The following SCAPER variants were observed in gnomAD, a reference collection of about 807,000 sequenced individuals.
SCAPER encodes the protein S phase cyclin A-associated protein in the endoplasmic reticulum.
SCAPER carries 98 observed loss-of-function variants against 182.2 expected under a neutral mutation model. That is an observed-to-expected ratio of 0.54 (90% confidence interval 0.46 to 0.64). SCAPER has a LOEUF of 0.64. SCAPER is among the 30% of genes least tolerant of loss of function. The pLI, the probability that SCAPER is intolerant of heterozygous loss-of-function variation, is 0.00. For synonymous variants in SCAPER, 605 were observed against 564.6 expected (o/e 1.07, Z -1.01); for missense variants, 1,432 against 1,690.0 (o/e 0.85, Z 2.68).
chr15:76,685,025 A>T (rs1053057946), intron 20 of SCAPER, among the ~76,000 whole-genome samples: 1 of 152,090 alleles, frequency 6.6e-6, no homozygotes, highest in African/African-American at 2.4e-5. Flanking sequence ...AAGAATACAT[A>T]AAAAAGATAA....
chr15:76,688,906 T>G (rs1054398931), intron 20 of SCAPER, among the ~76,000 whole-genome samples: 1 of 139,976 alleles, frequency 7.1e-6, no homozygotes, highest in Non-Finnish European at 1.5e-5. Context: ...TGGAGTGCCC[T>G]GGCACGATCT....
chr15:76,504,367 G>A (rs1440372532), intron 24 of SCAPER, among the ~76,000 whole-genome samples: 1 of 152,140 alleles, frequency 6.6e-6, no homozygotes, highest in African/African-American at 2.4e-5. Flanking sequence ...GCAATTTACC[G>A]TTAAAGACCA....
chr15:76,406,410 C>T lies in SCAPER; in HGVS notation c.3312-1731G>A, dbSNP rs182625274. 3.1e-3 allele frequency among the ~76,000 whole-genome samples: 475 copies of T among 151,820 alleles called. 3 individuals are homozygous for T. The highest frequency in any genetic ancestry group is 7.6e-3 in the African/African-American group (316 of 41,420). On this transcript the variant is annotated intron_variant, in intron 26 of 31. Coordinates refer to ENST00000563290, the MANE Select transcript of SCAPER (RefSeq NM_020843.4). ...GGAGAATCGCTTGAACCCGGGAAGT[C>T]GAAGTTGCAGTAAGCCAAGATCATG...
intron 5 of SCAPER, among the ~76,000 whole-genome samples, chr15:76,819,813 A>G (rs969837923): frequency 7.9e-5 from 12 of 152,160 alleles, no homozygotes; most frequent in South Asian, 4.1e-4. Context: ...GCAACCTACA[A>G]AATGGGAGAA....
chr15:76,488,194 C>T (rs1335085014), intron 24 of SCAPER, among the ~76,000 whole-genome samples: 3 of 152,094 alleles, frequency 2.0e-5, no homozygotes, highest in African/African-American at 4.8e-5. Flanking sequence ...ATTTCAAATT[C>T]AAATTCTAGA....
chr15:76,439,053 G>A (rs2047385839), intron 25 of SCAPER, among the ~76,000 whole-genome samples: 1 of 151,986 alleles, frequency 6.6e-6, no homozygotes, highest in Non-Finnish European at 1.5e-5. Context: ...CAGAATTAAG[G>A]TAAGGAGGGG....
At chr15:76,732,374 T>C (rs1225042626) in intron 16 of SCAPER, among the ~76,000 whole-genome samples, 1 of 152,116 alleles carries the variant, frequency 6.6e-6, no homozygotes, top group Non-Finnish European at 1.5e-5. Flanking sequence ...TTTATTCCAA[T>C]ATTATAATAA....
intron 20 of SCAPER, among the ~76,000 whole-genome samples, chr15:76,670,672 T>C (rs1368481370): frequency 6.6e-6 from 1 of 152,238 alleles, no homozygotes; most frequent in Non-Finnish European, 1.5e-5. Flanking sequence ...GTGTTCCTGT[T>C]TTGTTTCTAA....
At chr15:76,678,645 A>G (rs139801939) in intron 20 of SCAPER, among the ~76,000 whole-genome samples, 181 of 152,182 alleles carry the variant, frequency 1.2e-3, no homozygotes, top group African/African-American at 4.4e-3. Context: ...AGGGCAGGAA[A>G]GAGATCAAGG....
intron 17 of SCAPER, among the ~76,000 whole-genome samples, chr15:76,720,455 G>A (rs999245710): frequency 2.0e-5 from 3 of 152,118 alleles, no homozygotes; most frequent in African/African-American, 7.2e-5. Flanking sequence ...GTAATGGGAC[G>A]ACTGGGTCAA....
intron 8 of SCAPER, among the ~76,000 whole-genome samples, chr15:76,787,864 T>TA (rs894274323): frequency 6.6e-6 from 1 of 152,130 alleles, no homozygotes; most frequent in African/African-American, 2.4e-5. Context: ...TAATCAATCA[T>TA]ACTTCATCAA....
At chr15:76,349,961 T>C (rs1475690225) in intron 31 of SCAPER, 1 of 152,024 alleles carries the variant, frequency 6.6e-6, no homozygotes, top group Non-Finnish European at 1.5e-5. Context: ...TTATACTTCT[T>C]AGTGGCAAAC....
chr15:76,537,549 C>T (rs1420531248), intron 23 of SCAPER, among the ~76,000 whole-genome samples: 1 of 152,054 alleles, frequency 6.6e-6, no homozygotes, highest in African/African-American at 2.4e-5. Flanking sequence ...CTTCCTTACA[C>T]CTTATACAAA....
chr15:76,511,279 TA>T (rs1056738904), intron 23 of SCAPER, among the ~76,000 whole-genome samples: 3 of 152,032 alleles, frequency 2.0e-5, no homozygotes, highest in African/African-American at 7.2e-5. Flanking sequence ...AAGAAATAAA[TA>T]AAATAGTAGA....
chr15:76,654,389 C>T (rs916154569), intron 21 of SCAPER, among the ~76,000 whole-genome samples: 2 of 152,162 alleles, frequency 1.3e-5, no homozygotes, highest in African/African-American at 4.8e-5. Context: ...GCCTGGGTGA[C>T]AGAGCGAGAC....
chr15:76,847,175 T>C (rs1217864766), intron 4 of SCAPER, among the ~76,000 whole-genome samples: 1 of 152,028 alleles, frequency 6.6e-6, no homozygotes, highest in Non-Finnish European at 1.5e-5. Context: ...AATAGAATGA[T>C]AGTTACCAAA....
At chr15:76,691,204 T>A (rs2058338293) in intron 20 of SCAPER, among the ~76,000 whole-genome samples, 1 of 151,876 alleles carries the variant, frequency 6.6e-6, no homozygotes, top group Non-Finnish European at 1.5e-5. Flanking sequence ...TACACAGAAA[T>A]GTACAGATTT....
rs529123556 is a variant in SCAPER at position 76,434,317 on chromosome 15, G to A, written c.3079-7C>T. The A allele has an allele frequency of 1.7e-4, 262 of 1,567,854 alleles. 2 individuals are homozygous for A. In the East Asian group the frequency reaches 4.8e-3, roughly 29 times the overall value. ...TTTCATCTGGAACATAAACCTAGAT[G>A]AAAAAAAAGTACAGTAAATATGTTT... On this transcript the variant is annotated splice_polypyrimidine_tract_variant and splice_region_variant and intron_variant, in intron 25 of 31. Transcript: ENST00000563290.
intron 31 of SCAPER, chr15:76,349,521 A>T (rs1288713946): frequency 3.3e-5 from 5 of 152,190 alleles, no homozygotes; most frequent in Admixed American, 6.5e-5. Context: ...ATGTGGTATT[A>T]CCAAGAGCTG....
Sources: gnomAD v4.1 joint callset for allele counts (sites outside exome capture counted in the v4.1 genomes callset) on GRCh38, gnomAD v4.1.1 for gene constraint, MANE v1.5 for transcripts, NCBI Gene and HGNC (gene_info 2026-07-23, HGNC 2026-07-21) for gene names.